TICRR: variants seen among roughly 807,000 people sequenced by gnomAD.
TICRR encodes the protein TOPBP1 interacting checkpoint and replication regulator.
TICRR carries 132 observed loss-of-function variants against 178.1 expected under a neutral mutation model. That is an observed-to-expected ratio of 0.74 (90% CI 0.64 to 0.86). TICRR has a LOEUF of 0.86. Ranked by LOEUF, TICRR falls within the 40% of genes least tolerant of loss-of-function variation. The pLI is 0.00. For synonymous variants in TICRR, 991 were observed against 900.7 expected, an observed-to-expected ratio of 1.10 and a Z score of -1.79; for missense variants, 2,587 against 2,334.3, an observed-to-expected ratio of 1.11 and a Z score of -2.23.
chr15:89,577,281 G>C lies in TICRR; in HGVS notation c.654+1041G>C, dbSNP rs940882108. On this transcript the variant is annotated intron_variant, in intron 1 of 21. Transcript: ENST00000268138. ...TTGCGTACATTCTTGCAAACTTAAA[G>C]TCTTAAATGGCTAATTTGGATTTTT... Among the ~76,000 whole-genome samples the C allele has an allele frequency of 1.1e-4, 17 of 151,944 alleles. No homozygotes were observed. The East Asian group carries it at 2.9e-3, about 26-fold the overall frequency.
At chr15:89,618,550 T>C (rs1271580269) in intron 17 of TICRR, among the ~76,000 whole-genome samples, 1 of 152,244 alleles carries the variant, frequency 6.6e-6, no homozygotes, top group Non-Finnish European at 1.5e-5. Context: ...AAATTTTTTA[T>C]TGGGGAGTGT....
At position 89,624,208 on chromosome 15, in the gene TICRR, G is replaced by A. The variant is rs1333114693; in HGVS notation, c.3898G>A (p.Val1300Met). Residue 1300 changes from valine (V) to methionine (M), a missense_variant, in exon 20 of 22, where the codon GTG (valine) becomes ATG (methionine). Val to Met is a conservative substitution (Grantham distance 21). Transcript: ENST00000268138. ...KTPKRPGNST[V>M]TSSPPVTPKK... ...TCCAAAAAGACCAGGGAATTCAACT[G>A]TGACTTCTTCCCCACCTGTTACGCC... is the stretch of plus-strand genomic sequence containing the variant. 1.9e-6 allele frequency: 3 copies of A among 1,614,166 alleles called. No individual in the cohort carries two copies. Among genetic ancestry groups the A allele is most frequent in the East Asian group, 4.5e-5 (2 of 44,884 alleles).
intron 21 of TICRR, among the ~76,000 whole-genome samples, chr15:89,626,354 C>G (rs1963526158): frequency 6.6e-6 from 1 of 152,210 alleles, no homozygotes; most frequent in Non-Finnish European, 1.5e-5. Context: ...AGAATCTGAA[C>G]AGGAAGGCGT....
rs376343323 is a variant in TICRR at position 89,621,529 on chromosome 15, G to T, written c.3291G>T (p.Ser1097=). 3.7e-6 allele frequency: 6 copies of T among 1,613,024 alleles called. No homozygotes were observed. Among genetic ancestry groups the T allele is most frequent in the Middle Eastern group, 3.3e-4 (2 of 6,076 alleles). ...AGCGTTCAAGAAACACTTTGGATTC[G>T]GAGGTACCTGCAGCTTACCAGGTAT... is the stretch of plus-strand genomic sequence containing the variant. ...MKKRSRNTLD[S]EVPAAYQTPK... The change falls in exon 19 of 22, where the codon TCG becomes TCT. Residue 1097 remains serine (S), a synonymous_variant. Transcript: ENST00000268138.
chr15:89,615,368 T>C (rs942125630), intron 15 of TICRR, among the ~76,000 whole-genome samples: 18 of 152,318 alleles, frequency 1.2e-4, no homozygotes, highest in Middle Eastern at 3.4e-3. Flanking sequence ...GTCCAGAGGC[T>C]GCTGGGCTGT....
At chr15:89,579,857 G>A (rs888487001) in intron 1 of TICRR, 2 of 152,106 alleles carry the variant, frequency 1.3e-5, no homozygotes, top group African/African-American at 4.8e-5. Flanking sequence ...CCCTGGCCTT[G>A]GACTTCTCAG....
intron 2 of TICRR, among the ~76,000 whole-genome samples, chr15:89,583,248 C>G (rs1433219625): frequency 6.6e-6 from 1 of 152,048 alleles, no homozygotes; most frequent in Non-Finnish European, 1.5e-5. Flanking sequence ...ATTCAGGTGC[C>G]CAAGCACATG....
intron 18 of TICRR, among the ~76,000 whole-genome samples, chr15:89,620,043 G>A (rs557226269): frequency 1.3e-5 from 2 of 152,262 alleles, no homozygotes; most frequent in East Asian, 3.9e-4. Flanking sequence ...CCTACAACTG[G>A]TCATCCATGC....
chr15:89,622,649 C>T (rs986352236), intron 19 of TICRR, among the ~76,000 whole-genome samples: 1 of 152,182 alleles, frequency 6.6e-6, no homozygotes, highest in Non-Finnish European at 1.5e-5. Flanking sequence ...CAGTCTCCTC[C>T]CCCAGGCAGG....
intron 21 of TICRR, among the ~76,000 whole-genome samples, chr15:89,626,614 G>A (rs1323475383): frequency 6.6e-6 from 1 of 152,048 alleles, no homozygotes; most frequent in Non-Finnish European, 1.5e-5. Flanking sequence ...GGGGCCTTTG[G>A]TGGTTCAGTT....
At chr15:89,604,011 T>G (rs1963136983) in intron 13 of TICRR, among the ~76,000 whole-genome samples, 2 of 151,974 alleles carry the variant, frequency 1.3e-5, no homozygotes, top group South Asian at 4.2e-4. Context: ...GCAGTTGATA[T>G]AAGGACTTGA....
At chr15:89,589,833 A>G (rs1962881088) in intron 4 of TICRR, among the ~76,000 whole-genome samples, 1 of 152,012 alleles carries the variant, frequency 6.6e-6, no homozygotes, top group Admixed American at 6.6e-5. Context: ...AACTAAGACA[A>G]TCCTGGGTGT....
chr15:89,577,598 C>A (rs909844240), intron 1 of TICRR, among the ~76,000 whole-genome samples: 1 of 71,638 alleles, frequency 1.4e-5, no homozygotes, highest in Non-Finnish European at 2.9e-5. Flanking sequence ...TGAGGGAAGG[C>A]CTTTTTTTTT....
intron 15 of TICRR, among the ~76,000 whole-genome samples, chr15:89,615,776 A>T (rs545843888): frequency 6.6e-6 from 1 of 152,020 alleles, no homozygotes; most frequent in Non-Finnish European, 1.5e-5. Flanking sequence ...GCATTTTCAC[A>T]TATTTCATTT....
At chr15:89,580,511 A>C (rs527938939) in intron 1 of TICRR, among the ~76,000 whole-genome samples, 2 of 152,240 alleles carry the variant, frequency 1.3e-5, no homozygotes, top group Non-Finnish European at 2.9e-5. Context: ...ATATAGATAC[A>C]TGGGTGGTAA....
At chr15:89,577,101 C>T (rs1962636963) in intron 1 of TICRR, among the ~76,000 whole-genome samples, 1 of 151,692 alleles carries the variant, frequency 6.6e-6, no homozygotes, top group Non-Finnish European at 1.5e-5. Flanking sequence ...CCATGCTGCC[C>T]AGGCTGGTCT....
At chr15:89,609,098 A>ATTTTTTTTTTTTTTTT (rs1404698569) in intron 15 of TICRR, 149 bp downstream of exon 15, 1 of 167,112 alleles carries the variant, frequency 6.0e-6, no homozygotes, top group African/African-American at 5.9e-5. Flanking sequence ...AATTTTGTTA[A>ATTTTTTTTTTTTTTTT]TCTTTTTTTT....
chr15:89,615,635 A>G (rs1219571894), intron 15 of TICRR, among the ~76,000 whole-genome samples: 1 of 151,746 alleles, frequency 6.6e-6, no homozygotes, highest in East Asian at 1.9e-4. Context: ...TACTGGCATC[A>G]CTCCTCTTTA....
At chr15:89,597,464 G>A (rs577234488) in intron 7 of TICRR, among the ~76,000 whole-genome samples, 1 of 151,446 alleles carries the variant, frequency 6.6e-6, no homozygotes, top group Non-Finnish European at 1.5e-5. Flanking sequence ...GACAGAGGTT[G>A]CAGTGAGCCG....
Sources: gnomAD v4.1 joint callset for allele counts (sites outside exome capture counted in the v4.1 genomes callset) on GRCh38, gnomAD v4.1.1 for gene constraint, MANE v1.5 for transcripts, NCBI Gene and HGNC (gene_info 2026-07-23, HGNC 2026-07-21) for gene names.